The following TENM3 variants were observed in gnomAD, a reference collection of about 807,000 sequenced individuals.
TENM3 encodes the protein teneurin-3.
In TENM3, 63 loss-of-function variants were observed where a neutral mutation model predicts 255.1. That is an observed-to-expected ratio of 0.25 (90% CI 0.20 to 0.30). The LOEUF is 0.30. Ranked by LOEUF, TENM3 falls within the 10% of genes least tolerant of loss-of-function variation. The pLI is 1.00. For synonymous variants in TENM3, 1,306 were observed against 1,322.3 expected, an observed-to-expected ratio of 0.99 and a Z score of 0.27; for missense variants, 2,929 against 3,461.1, an observed-to-expected ratio of 0.85 and a Z score of 3.86.
At chr4:181,556,672 G>T in the TENM3 span, among the ~76,000 whole-genome samples, 1 of 152,072 alleles carries the variant, frequency 6.6e-6, no homozygotes, top group African/African-American at 2.4e-5. Flanking sequence ...TTTACTACCT[G>T]CACTTCGATT....
chr4:182,505,283 G>A (rs1054453097), intron 3 of TENM3, among the ~76,000 whole-genome samples: 1 of 151,670 alleles, frequency 6.6e-6, no homozygotes, highest in Admixed American at 6.6e-5. Context: ...ATTTCATTCT[G>A]CAAAGATGAA....
At chr4:182,649,503 C>T (rs1312924648) in intron 5 of TENM3, among the ~76,000 whole-genome samples, 1 of 150,308 alleles carries the variant, frequency 6.7e-6, no homozygotes, top group African/African-American at 2.4e-5. Flanking sequence ...AACTAAGAAG[C>T]ATAATACTAG....
chr4:181,865,447 T>C, the TENM3 span, among the ~76,000 whole-genome samples: 2 of 152,036 alleles, frequency 1.3e-5, no homozygotes, highest in African/African-American at 2.4e-5. Context: ...TTCTTTGGAG[T>C]TGGGTTTAGA....
Position 182,468,565 on chromosome 4 carries a change from G to A in TENM3, c.511+121636G>A, listed in dbSNP as rs147419965. 3.2e-3 allele frequency among the ~76,000 whole-genome samples: 492 copies of A among 152,198 alleles called. 8 individuals are homozygous for A. Among genetic ancestry groups the A allele is most frequent in the African/African-American group, 0.011 (464 of 41,528 alleles). On this transcript the variant is annotated intron_variant, in intron 3 of 27. Coordinates refer to ENST00000511685, the MANE Select transcript of TENM3 (RefSeq NM_001080477.4). ...ACTAACACATAACATCTGCATTTCAGGTGTCTGTTAGTATTGATCAGAATT... is the reference window on the plus strand; with the variant it reads ...ACTAACACATAACATCTGCATTTCAAGTGTCTGTTAGTATTGATCAGAATT...
intron 1 of TENM3, among the ~76,000 whole-genome samples, chr4:182,154,032 A>G (rs1271920289): frequency 6.6e-6 from 1 of 152,114 alleles, no homozygotes; most frequent in Non-Finnish European, 1.5e-5. Flanking sequence ...CTTTTGAAAA[A>G]CAATGATACC....
At chr4:181,772,071 G>T in the TENM3 span, among the ~76,000 whole-genome samples, 1 of 152,096 alleles carries the variant, frequency 6.6e-6, no homozygotes, top group South Asian at 2.1e-4. Context: ...GAAAATTTAT[G>T]ATATGACTGT....
chr4:181,775,410 T>A, the TENM3 span, among the ~76,000 whole-genome samples: 2 of 152,178 alleles, frequency 1.3e-5, no homozygotes, highest in Non-Finnish European at 2.9e-5. Flanking sequence ...GAGGATTATG[T>A]ATATATATGC....
the TENM3 span, among the ~76,000 whole-genome samples, chr4:181,982,808 C>T: frequency 4.1e-4 from 62 of 152,314 alleles, no homozygotes; most frequent in African/African-American, 1.4e-3. Context: ...CCAACTGCCA[C>T]ACTTTCATCC....
chr4:181,930,846 C>A, the TENM3 span, among the ~76,000 whole-genome samples: 3 of 152,204 alleles, frequency 2.0e-5, no homozygotes, highest in Admixed American at 1.3e-4. Context: ...ACCTGGAATG[C>A]AAGGCTGGTT....
chr4:181,462,829 A>C, the TENM3 span, among the ~76,000 whole-genome samples: 1 of 152,176 alleles, frequency 6.6e-6, no homozygotes, highest in Non-Finnish European at 1.5e-5. Context: ...TTGCATGCTC[A>C]ACGTTGGCTT....
At chr4:181,713,878 T>C in the TENM3 span, among the ~76,000 whole-genome samples, 1 of 152,184 alleles carries the variant, frequency 6.6e-6, no homozygotes, top group East Asian at 1.9e-4. Context: ...AAGGTACCCT[T>C]AGCCAAGCCA....
At chr4:182,346,509 G>T in intron 2 of TENM3, 142 bp from the exon 3 acceptor site, 1 of 836,318 alleles carries the variant, frequency 1.2e-6, no homozygotes, top group Non-Finnish European at 1.8e-6. Flanking sequence ...TGACGCTACT[G>T]TAAACGCCTG....
the TENM3 span, among the ~76,000 whole-genome samples, chr4:181,758,762 C>T: frequency 6.6e-6 from 1 of 152,176 alleles, no homozygotes; most frequent in Non-Finnish European, 1.5e-5. Context: ...GCACCTACAT[C>T]GGGCCTCACA....
At chr4:182,330,081 A>G (rs1171439241) in intron 2 of TENM3, among the ~76,000 whole-genome samples, 2 of 152,140 alleles carry the variant, frequency 1.3e-5, no homozygotes, top group Admixed American at 6.5e-5. Flanking sequence ...AAAAAATGCA[A>G]CCCAGGGATC....
At chr4:181,526,768 G>A in the TENM3 span, among the ~76,000 whole-genome samples, 4 of 152,074 alleles carry the variant, frequency 2.6e-5, no homozygotes, top group Non-Finnish European at 5.9e-5. Flanking sequence ...GCTGTGTATA[G>A]ATTAATAGCA....
the TENM3 span, among the ~76,000 whole-genome samples, chr4:181,456,127 A>ATGTG: frequency 6.6e-4 from 93 of 141,742 alleles, no homozygotes; most frequent in Admixed American, 7.8e-4. Context: ...ATATATATAT[A>ATGTG]TGTGTGTGTG....
the TENM3 span, among the ~76,000 whole-genome samples, chr4:181,904,749 C>T: frequency 3.9e-5 from 6 of 152,154 alleles, no homozygotes; most frequent in African/African-American, 1.4e-4. Flanking sequence ...TTGTTCCAAG[C>T]TATATAAAAT....
At chr4:182,269,711 A>G (rs976650775) in intron 1 of TENM3, among the ~76,000 whole-genome samples, 2 of 152,168 alleles carry the variant, frequency 1.3e-5, no homozygotes, top group African/African-American at 2.4e-5. Flanking sequence ...AAGCACACCC[A>G]GTTATCGTAA....
the TENM3 span, among the ~76,000 whole-genome samples, chr4:182,064,740 T>C: frequency 6.6e-6 from 1 of 152,108 alleles, no homozygotes; most frequent in Non-Finnish European, 1.5e-5. Context: ...AGGAAGCCAC[T>C]GCGGCTGAGC....
Sources: allele counts gnomAD v4.1 joint callset (sites outside exome capture counted in the v4.1 genomes callset), GRCh38; gene constraint gnomAD v4.1.1; transcripts MANE v1.5; gene names NCBI Gene and HGNC (gene_info 2026-07-23, HGNC 2026-07-21).